The following ZNF521 variants were observed in gnomAD, a reference collection of about 807,000 sequenced individuals.
ZNF521 encodes LYST-interacting protein 3.
Under a neutral mutation model 105.5 loss-of-function variants are expected in ZNF521, and 14 were observed. The observed-to-expected ratio is 0.13, with a 90% confidence interval of 0.09 to 0.21. ZNF521 has a LOEUF of 0.21. Among genes scored for constraint, ZNF521 ranks in the 10% least tolerant of loss-of-function variants. The probability of loss-of-function intolerance (pLI) is 1.00; values close to 1 mark genes in which losing one functional copy is unlikely to be tolerated. For synonymous variants in ZNF521, 635 were observed against 606.0 expected, an observed-to-expected ratio of 1.05 and a Z score of -0.70; for missense variants, 1,233 against 1,629.7, an observed-to-expected ratio of 0.76 and a Z score of 4.19.
intron 5 of ZNF521, among the ~76,000 whole-genome samples, chr18:25,117,044 CACATATATAT>C (rs1194116277): frequency 1.7e-4 from 16 of 91,648 alleles, no homozygotes; most frequent in African/African-American, 5.3e-4. Context: ...CACACACACA[CACATATATAT>C]ACACACACAC....
At chr18:25,217,964 G>A (rs1416384573) in intron 4 of ZNF521, among the ~76,000 whole-genome samples, 2 of 152,178 alleles carry the variant, frequency 1.3e-5, no homozygotes, top group Admixed American at 6.5e-5. Flanking sequence ...CAAGAGGAGA[G>A]AGGTTATTTG....
intron 7 of ZNF521, among the ~76,000 whole-genome samples, chr18:25,078,343 T>C (rs2033413804): frequency 6.6e-6 from 1 of 152,214 alleles, no homozygotes; most frequent in Non-Finnish European, 1.5e-5. Context: ...CCAACCAGGA[T>C]TTCAGGCTGA....
At chr18:25,311,648 C>G (rs11662147) in intron 3 of ZNF521, among the ~76,000 whole-genome samples, 9,656 of 152,168 alleles carry the variant, frequency 0.063, 445 homozygotes, top group Non-Finnish European at 0.086. Flanking sequence ...CTTCTCCACA[C>G]GGACAAACTG....
intron 5 of ZNF521, among the ~76,000 whole-genome samples, chr18:25,136,990 C>A (rs564487012): frequency 6.6e-6 from 1 of 152,218 alleles, no homozygotes; most frequent in African/African-American, 2.4e-5. Context: ...TGCCCTCTGA[C>A]CTCCCAAAAG....
chr18:25,285,977 T>A (rs1480986672), intron 3 of ZNF521, among the ~76,000 whole-genome samples: 1 of 152,226 alleles, frequency 6.6e-6, no homozygotes, highest in Non-Finnish European at 1.5e-5. Context: ...ATCCAACTTC[T>A]GCTCATATCA....
At chr18:25,320,491 T>G (rs1912881338) in intron 3 of ZNF521, among the ~76,000 whole-genome samples, 1 of 152,136 alleles carries the variant, frequency 6.6e-6, no homozygotes, top group East Asian at 1.9e-4. Context: ...CTTTCTCAGT[T>G]TCAGTAAGTA....
At position 25,225,599 on chromosome 18, in the gene ZNF521, G is replaced by A. The variant is rs1157746286; in HGVS notation, c.2319C>T (p.His773=). ...NETDLQLHVK[H]NHLENQGKVH... ...CTTTCCCTTGGTTTTCCAGGTGGTT[G>A]TGTTTCACATGGAGCTGCAAGTCAG... is the stretch of plus-strand genomic sequence containing the variant. The change falls in exon 4 of 8, where the codon CAC becomes CAT. Residue 773 remains histidine (H), a synonymous_variant. Coordinates refer to ENST00000361524, the MANE Select transcript of ZNF521 (RefSeq NM_015461.3). This position sits in a 1 kb window ranked among gnomAD's most constrained non-coding sequence, Gnocchi z 5.6. The A allele has an allele frequency of 1.2e-6, 2 of 1,614,174 alleles. No individual in the cohort carries two copies. Among genetic ancestry groups the A allele is most frequent in the East Asian group, 2.2e-5 (1 of 44,882 alleles).
intron 7 of ZNF521, among the ~76,000 whole-genome samples, chr18:25,069,954 A>G (rs2033175942): frequency 6.6e-6 from 1 of 152,138 alleles, no homozygotes; most frequent in South Asian, 2.1e-4. Flanking sequence ...TCATATGGTA[A>G]TGTCATCACC....
Position 25,257,067 on chromosome 18 carries a change from G to A in ZNF521, c.221-29370C>T, listed in dbSNP as rs532498263. 6.6e-5 allele frequency among the ~76,000 whole-genome samples: 10 copies of A among 152,248 alleles called. 1 individual carries two copies. The highest frequency in any genetic ancestry group is 1.3e-4 in the Admixed American group (2 of 15,284). On this transcript the variant is annotated intron_variant, in intron 3 of 7. Coordinates refer to ENST00000361524, the MANE Select transcript of ZNF521 (RefSeq NM_015461.3). ...AATGAGGCTAGATGGGGAGACTACCGTAGATCACTGGGGTAGCAACGCAGG... is the reference window on the plus strand; with the variant it reads ...AATGAGGCTAGATGGGGAGACTACCATAGATCACTGGGGTAGCAACGCAGG...
At chr18:25,191,571 A>T (rs2035819317) in intron 5 of ZNF521, among the ~76,000 whole-genome samples, 1 of 152,206 alleles carries the variant, frequency 6.6e-6, no homozygotes, top group Non-Finnish European at 1.5e-5. Context: ...CTCCATAGTG[A>T]TCGAAATTTC....
At chr18:25,266,962 G>A (rs1386345474) in intron 3 of ZNF521, among the ~76,000 whole-genome samples, 1 of 152,166 alleles carries the variant, frequency 6.6e-6, no homozygotes, top group Non-Finnish European at 1.5e-5. Flanking sequence ...CTGAAGCCAG[G>A]GAGCCAAGTG....
intron 5 of ZNF521, among the ~76,000 whole-genome samples, chr18:25,103,861 A>T (rs2034019114): frequency 6.6e-6 from 1 of 152,052 alleles, no homozygotes; most frequent in Non-Finnish European, 1.5e-5. Context: ...GAAAGACAAA[A>T]GACTCGTGGT....
At chr18:25,330,789 T>C (rs185026950) in intron 2 of ZNF521, among the ~76,000 whole-genome samples, 1 of 152,160 alleles carries the variant, frequency 6.6e-6, no homozygotes, top group Admixed American at 6.5e-5. Flanking sequence ...CCCAATAAAT[T>C]TAAAATACTT....
At chr18:25,265,906 A>T (rs1909218615) in intron 3 of ZNF521, among the ~76,000 whole-genome samples, 1 of 152,194 alleles carries the variant, frequency 6.6e-6, no homozygotes, top group Non-Finnish European at 1.5e-5. Context: ...GGAACTGGAG[A>T]TCATATGTTA....
chr18:25,137,130 G>A (rs143326609), intron 5 of ZNF521, among the ~76,000 whole-genome samples: 36 of 152,266 alleles, frequency 2.4e-4, no homozygotes, highest in African/African-American at 7.7e-4. Context: ...GAAAGACTGC[G>A]TCTTCCTAAA....
intron 5 of ZNF521, among the ~76,000 whole-genome samples, chr18:25,139,444 C>T (rs1218727602): frequency 2.1e-5 from 3 of 144,846 alleles, no homozygotes; most frequent in Non-Finnish European, 4.5e-5. Flanking sequence ...TAGCAAAAGA[C>T]CATACAGGAA....
intron 3 of ZNF521, among the ~76,000 whole-genome samples, chr18:25,303,268 T>G (rs1911745493): frequency 7.3e-6 from 1 of 136,128 alleles, no homozygotes; most frequent in African/African-American, 2.9e-5. Context: ...TCTTTCTTTC[T>G]TTCGTGTGTG....
rs565385638 is a variant in ZNF521 at position 25,081,847 on chromosome 18, G to C, written c.3906+7618C>G. Among the ~76,000 whole-genome samples, 12 of 152,286 alleles carry C rather than the reference G, an allele frequency of 7.9e-5. No homozygotes were observed. In the East Asian group the frequency reaches 1.9e-3, roughly 25 times the overall value. On this transcript the variant is annotated intron_variant, in intron 7 of 7. Transcript: ENST00000361524. ...GTCTTTTTGCTACTGCATAGATGAT[G>C]GGGGGTTGGAACGGAGAGAGAATAA...
intron 2 of ZNF521, among the ~76,000 whole-genome samples, chr18:25,338,486 C>T (rs957861298): frequency 1.3e-5 from 2 of 151,868 alleles, no homozygotes; most frequent in Non-Finnish European, 2.9e-5. Flanking sequence ...GATCTCGACT[C>T]ACTGCAACCT....
Sources: allele counts gnomAD v4.1 joint callset (sites outside exome capture counted in the v4.1 genomes callset), GRCh38; gene constraint gnomAD v4.1.1; non-coding constraint Gnocchi (gnomAD v3.1); transcripts MANE v1.5; gene names NCBI Gene and HGNC (gene_info 2026-07-23, HGNC 2026-07-21).